The following DMD variants were observed in gnomAD, a reference collection of about 807,000 sequenced individuals.
DMD encodes mutant dystrophin.
In DMD, 63 loss-of-function variants were observed where a neutral mutation model predicts 330.1. The observed-to-expected ratio is 0.19, with a 90% CI of 0.16 to 0.24. The LOEUF (loss-of-function observed/expected upper bound fraction) is 0.24. Among genes scored for constraint, DMD ranks in the 10% least tolerant of loss-of-function variants. The pLI is 1.00. For synonymous variants in DMD, 1,223 were observed against 959.8 expected, an observed-to-expected ratio of 1.27 and a Z score of -5.07; for missense variants, 3,344 against 2,684.1, an observed-to-expected ratio of 1.25 and a Z score of -5.43.
chrX:33,020,752 T>C (rs973290243), intron 1 of DMD, among the ~76,000 whole-genome samples: 20 of 111,278 alleles, frequency 1.8e-4, no homozygotes, highest in African/African-American at 6.2e-4. Flanking sequence ...AAAAAAATAG[T>C]CTCCTCTGAA....
intron 47 of DMD, among the ~76,000 whole-genome samples, chrX:31,914,832 A>T (rs1291242706): frequency 8.9e-6 from 1 of 112,346 alleles, no homozygotes; most frequent in African/African-American, 3.2e-5. Flanking sequence ...ATAGCACAAC[A>T]GGGTGACTAT....
At chrX:31,286,571 T>C (rs1443077276) in intron 62 of DMD, among the ~76,000 whole-genome samples, 2 of 112,141 alleles carry the variant, frequency 1.8e-5, no homozygotes, top group Non-Finnish European at 3.8e-5. Context: ...CAAAGTGTGG[T>C]TGGTCCACAG....
intron 7 of DMD, among the ~76,000 whole-genome samples, chrX:32,772,323 T>C (rs1421671593): frequency 1.8e-5 from 2 of 112,812 alleles, no homozygotes; most frequent in Non-Finnish European, 3.7e-5. Flanking sequence ...GTTAGTAGAA[T>C]TCTACATCTC....
At chrX:32,448,028 C>T (rs2098312845) in intron 27 of DMD, among the ~76,000 whole-genome samples, 1 of 110,877 alleles carries the variant, frequency 9.0e-6, no homozygotes, top group South Asian at 3.7e-4. Flanking sequence ...TAAAAACATA[C>T]TTCTCTACAG....
chrX:33,261,641 C>CAT (rs2148905079), intron 1 of DMD, among the ~76,000 whole-genome samples: 1 of 107,657 alleles, frequency 9.3e-6, no homozygotes, highest in East Asian at 2.9e-4. Flanking sequence ...CACACACACA[C>CAT]ACACACACAC....
chrX:32,816,722 C>A, intron 5 of DMD, 82 bp from the exon 6 acceptor site: 2 of 980,003 alleles, frequency 2.0e-6, no homozygotes, highest in Non-Finnish European at 1.4e-6. Flanking sequence ...TGTCCTTGAT[C>A]TTCAGTGATA....
intron 27 of DMD, among the ~76,000 whole-genome samples, chrX:32,443,392 TG>T (rs1252886859): frequency 2.7e-5 from 3 of 111,157 alleles, no homozygotes; most frequent in African/African-American, 9.8e-5. Context: ...TTAAGTGTTT[TG>T]CTTTAAAAGG....
At chrX:31,418,469 G>A (rs754720531) in intron 60 of DMD, among the ~76,000 whole-genome samples, 3 of 111,575 alleles carry the variant, frequency 2.7e-5, no homozygotes, top group Non-Finnish European at 5.7e-5. Flanking sequence ...ACAAAATAGG[G>A]CAGTTAGATT....
intron 2 of DMD, among the ~76,000 whole-genome samples, chrX:32,993,787 G>A (rs901359465): frequency 2.7e-5 from 3 of 110,355 alleles, no homozygotes; most frequent in Non-Finnish European, 5.7e-5. Context: ...GAACAATGTA[G>A]GGGAGAAAAA....
At chrX:31,166,616 A>C (rs1436466556) in intron 74 of DMD, among the ~76,000 whole-genome samples, 1 of 111,677 alleles carries the variant, frequency 9.0e-6, no homozygotes, top group African/African-American at 3.3e-5. Context: ...TCTCAACAGG[A>C]AATGGCAAAT....
chrX:32,343,317 C>A, intron 39 of DMD, 31 bp from the exon 40 acceptor site: 3 of 1,151,623 alleles, frequency 2.6e-6, no homozygotes, highest in Non-Finnish European at 3.6e-6. Flanking sequence ...ATTAAAATAT[C>A]AATATATATG....
In DMD at chrX:32,464,983, A is replaced by G. The variant is rs772549129; in HGVS notation, c.3163-284T>C. Among the ~76,000 whole-genome samples, 3 of 112,141 alleles carry G rather than the reference A, an allele frequency of 2.7e-5. No individual in the cohort carries two copies. The East Asian group carries it at 8.5e-4, about 32-fold the overall frequency. On this transcript the variant is annotated intron_variant, in intron 23 of 78. Transcript: ENST00000357033. ...AACATTAAATCATATCCCCCTCTAGAGAAATTTTAAGTTACAAAACAACTC... is the reference window on the plus strand; with the variant it reads ...AACATTAAATCATATCCCCCTCTAGGGAAATTTTAAGTTACAAAACAACTC...
chrX:32,820,977 T>TAC (rs1190830945), intron 5 of DMD, among the ~76,000 whole-genome samples: 1 of 111,093 alleles, frequency 9.0e-6, no homozygotes, highest in East Asian at 3.0e-4. Context: ...GAAAAGCAGT[T>TAC]TGGGGAGAGA....
intron 62 of DMD, among the ~76,000 whole-genome samples, chrX:31,261,986 G>A (rs748308982): frequency 5.4e-5 from 6 of 111,958 alleles, no homozygotes; most frequent in African/African-American, 9.7e-5. Context: ...AAGAGAAATC[G>A]CTTAAACTGG....
At chrX:32,687,999 A>G (rs1382955341) in intron 9 of DMD, among the ~76,000 whole-genome samples, 1 of 111,943 alleles carries the variant, frequency 8.9e-6, no homozygotes, top group African/African-American at 3.2e-5. Flanking sequence ...ATTAAAATAA[A>G]TGTTTGAAAA....
At chrX:31,363,943 C>A (rs2059101280) in intron 60 of DMD, among the ~76,000 whole-genome samples, 1 of 112,008 alleles carries the variant, frequency 8.9e-6, no homozygotes, top group Non-Finnish European at 1.9e-5. Context: ...CCCTCTACTT[C>A]ATATACACAG....
chrX:32,334,495 C>T (rs750318797), intron 41 of DMD, among the ~76,000 whole-genome samples: 1 of 111,485 alleles, frequency 9.0e-6, no homozygotes, highest in South Asian at 3.7e-4. Flanking sequence ...GCTTTTATTA[C>T]AAGATAGGAG....
chrX:31,338,309 C>CAAAAAAAA (rs752828727), intron 61 of DMD, among the ~76,000 whole-genome samples: 9 of 53,390 alleles, frequency 1.7e-4, no homozygotes, highest in East Asian at 6.9e-4. Flanking sequence ...AGTAAAAATA[C>CAAAAAAAA]AAAAAAAAAA....
At chrX:32,728,494 C>T (rs2067148839) in intron 7 of DMD, among the ~76,000 whole-genome samples, 1 of 111,634 alleles carries the variant, frequency 9.0e-6, no homozygotes, top group Admixed American at 9.5e-5. Context: ...TCATTTAATC[C>T]ATGGCTGCTT....
Sources: gnomAD v4.1 joint callset for allele counts (sites outside exome capture counted in the v4.1 genomes callset) on GRCh38, gnomAD v4.1.1 for gene constraint, MANE v1.5 for transcripts, NCBI Gene and HGNC (gene_info 2026-07-23, HGNC 2026-07-21) for gene names.